CEP192: variants seen among roughly 807,000 people sequenced by gnomAD.
The protein encoded by CEP192 is centrosomal protein 192, also known as centrosomal protein of 192 kDa.
Under a neutral mutation model 271.8 loss-of-function variants are expected in CEP192, and 151 were observed. The ratio of observed to expected loss-of-function variants is 0.56; its 90% confidence interval spans 0.49 to 0.64. The LOEUF (loss-of-function observed/expected upper bound fraction) is 0.64. Ranked by LOEUF, CEP192 falls within the 30% of genes least tolerant of loss-of-function variation. The pLI, the probability that CEP192 is intolerant of heterozygous loss-of-function variation, is 0.00. For synonymous variants in CEP192, 995 were observed against 1,076.5 expected (o/e 0.92, Z 1.48); for missense variants, 2,910 against 3,020.5 (o/e 0.96, Z 0.86).
At position 13,068,414 on chromosome 18, in the gene CEP192, G is replaced by A; in HGVS notation, c.4814G>A (p.Ser1605Asn). ...VLFHSPKKQI[S>N]SSDILDSAEE... ...TTCCATAGTCCAAAGAAACAGATCA[G>A]CTCTTCAGGTATCATGTTTACACTG... Residue 1605 changes from serine to asparagine, a missense_variant, in exon 24 of 45, where the codon AGC becomes AAC. Transcript: ENST00000506447. The A allele has an allele frequency of 6.2e-7, 1 of 1,609,876 alleles. No individual in the cohort carries two copies. Among genetic ancestry groups the A allele is most frequent in the Non-Finnish European group, 8.5e-7 (1 of 1,176,980 alleles).
At chr18:13,009,457 A>T (rs568240005) in intron 4 of CEP192, among the ~76,000 whole-genome samples, 2 of 152,318 alleles carry the variant, frequency 1.3e-5, no homozygotes, top group South Asian at 2.1e-4. Context: ...AAACTGATGA[A>T]TTATAAGTTC....
At chr18:13,075,715 G>A (rs2038235214) in intron 30 of CEP192, among the ~76,000 whole-genome samples, 1 of 152,180 alleles carries the variant, frequency 6.6e-6, no homozygotes, top group Admixed American at 6.5e-5. Context: ...GACTAAGATG[G>A]TGGATTGTCA....
At chr18:13,113,830 C>A in intron 41 of CEP192, 125 bp downstream of exon 41, 1 of 949,444 alleles carries the variant, frequency 1.1e-6, no homozygotes, top group Non-Finnish European at 1.5e-6. Flanking sequence ...TCTTGTTTGT[C>A]TTTATTAATT....
At chr18:13,082,110 G>A (rs1435016195) in intron 30 of CEP192, among the ~76,000 whole-genome samples, 1 of 152,226 alleles carries the variant, frequency 6.6e-6, no homozygotes, top group East Asian at 1.9e-4. Context: ...TTCTGTAGAT[G>A]TCTATTAGGT....
intron 30 of CEP192, among the ~76,000 whole-genome samples, chr18:13,078,801 C>T (rs1314608304): frequency 6.6e-6 from 1 of 152,126 alleles, no homozygotes; most frequent in Non-Finnish European, 1.5e-5. Flanking sequence ...CATCCCACAA[C>T]AGGCCCCCAT....
intron 17 of CEP192, among the ~76,000 whole-genome samples, chr18:13,050,983 G>A (rs1030614854): frequency 2.0e-5 from 3 of 152,140 alleles, no homozygotes; most frequent in Admixed American, 1.3e-4. Context: ...TGGCTTACAC[G>A]TTTTTTCCCT....
chr18:13,044,228 A>G (rs1194125125), intron 15 of CEP192, among the ~76,000 whole-genome samples: 1 of 152,168 alleles, frequency 6.6e-6, no homozygotes. Flanking sequence ...GATTTCCTGC[A>G]TACATAGTTT....
At chr18:13,092,206 G>T (rs756178316) in intron 33 of CEP192, among the ~76,000 whole-genome samples, 171 bp from the exon 34 acceptor site, 2 of 152,192 alleles carry the variant, frequency 1.3e-5, no homozygotes, top group African/African-American at 2.4e-5. Context: ...TCAGCCACTG[G>T]TGCTGAATTG....
At chr18:13,026,917 G>GT (rs112687628) in intron 9 of CEP192, among the ~76,000 whole-genome samples, 139 of 151,638 alleles carry the variant, frequency 9.2e-4, no homozygotes, top group African/African-American at 1.6e-3. Flanking sequence ...TCTTCAAACT[G>GT]TTTTTTTTGC....
chr18:13,040,904 A>G lies in CEP192; in HGVS notation c.1884A>G (p.Ser628=), dbSNP rs578011977. The G allele has an allele frequency of 6.2e-7, 1 of 1,610,006 alleles. No homozygotes were observed. Among genetic ancestry groups the G allele is most frequent in the East Asian group, 2.2e-5 (1 of 44,712 alleles). ...CCTTAATAAGAAAATCTGATGTATC[A>G]AGAGGTAATTTGGAAAAAGAAATGG... ...PIALIRKSDV[S]RGNLEKEMAH... is the part of the protein sequence containing the mutation. The change falls in exon 14 of 45, where the codon TCA becomes TCG. Residue 628 remains serine, a synonymous_variant. Transcript: ENST00000506447.
intron 4 of CEP192, among the ~76,000 whole-genome samples, chr18:13,012,581 C>T (rs1026008832): frequency 2.0e-5 from 3 of 152,164 alleles, no homozygotes; most frequent in Non-Finnish European, 2.9e-5. Flanking sequence ...TGTTATGCTG[C>T]AGCACCTTTG....
intron 3 of CEP192, among the ~76,000 whole-genome samples, chr18:13,003,394 A>C (rs2033770037): frequency 6.7e-6 from 1 of 148,514 alleles, no homozygotes; most frequent in Non-Finnish European, 1.5e-5. Flanking sequence ...GGTTGCAATG[A>C]GCCGAGATCA....
intron 6 of CEP192, among the ~76,000 whole-genome samples, chr18:13,015,826 A>G (rs949939304): frequency 1.3e-5 from 2 of 149,248 alleles, no homozygotes; most frequent in African/African-American, 4.9e-5. Context: ...GCTCACCACA[A>G]CCTCCACCTC....
chr18:13,002,321 A>G (rs535098082), intron 3 of CEP192, among the ~76,000 whole-genome samples: 14 of 152,110 alleles, frequency 9.2e-5, no homozygotes, highest in South Asian at 2.1e-4. Context: ...CTCTTATTCT[A>G]TTACACAAAA....
Position 13,124,691 on chromosome 18 carries a change from A to C in CEP192, c.7535A>C (p.Glu2512Ala), listed in dbSNP as rs969546311. The C allele has an allele frequency of 6.2e-7, 1 of 1,613,954 alleles. No homozygotes were observed. Among genetic ancestry groups the C allele is most frequent in the African/African-American group, 1.3e-5 (1 of 74,918 alleles). The part of the protein sequence containing the change: ...QFKPKSAGKF[E>A]ALLVIQTDEG... ...AAACCGAAGTCCGCAGGCAAATTTG[A>C]AGCTTTGCTTGTCATTCAAACAGAT... Residue 2512 changes from glutamate to alanine, a missense_variant, in exon 45 of 45, where the codon GAA (glutamate) becomes GCA (alanine). Glu to Ala is a moderately radical substitution (Grantham distance 107). Coordinates refer to ENST00000506447, the MANE Select transcript of CEP192 (RefSeq NM_032142.4).
In CEP192 at chr18:13,029,653, T is replaced by A. The variant is rs1260618881; in HGVS notation, c.1051-10T>A. The stretch of plus-strand genomic sequence containing the variant: ...TGCTCTGTTAAAAAATCTGATTTTT[T>A]GTTTTAAAGGAATGTGCAAGTAAAG... On this transcript the variant is annotated splice_polypyrimidine_tract_variant and intron_variant, in intron 9 of 44. Transcript: ENST00000506447. 6.9e-7 allele frequency: 1 copy of A among 1,454,984 alleles called. No homozygotes were observed. The highest frequency in any genetic ancestry group is 9.1e-7 in the Non-Finnish European group (1 of 1,094,800). 90.1% of individuals were successfully genotyped at this position (1,454,984 alleles called of 1,614,324 possible).
At position 13,056,539 on chromosome 18, in the gene CEP192, A is replaced by G; in HGVS notation, c.3949A>G (p.Asn1317Asp). The G allele has an allele frequency of 6.2e-7, 1 of 1,614,208 alleles. No homozygotes were observed. Among genetic ancestry groups the G allele is most frequent in the Non-Finnish European group, 8.5e-7 (1 of 1,180,020 alleles). ...SVAVGICLGS[N>D]IGSGWMGTSS... Reference sequence around the variant, plus strand: ...GGCTGTGGGAATTTGTCTAGGATCAAATATCGGCTCTGGATGGATGGGTAC... The same window carrying G: ...GGCTGTGGGAATTTGTCTAGGATCAGATATCGGCTCTGGATGGATGGGTAC... Residue 1317 changes from asparagine to aspartate, a missense_variant, in exon 19 of 45, where the codon AAT becomes GAT. Physicochemically the swap from Asn to Asp is conservative, Grantham distance 23. Transcript: ENST00000506447.
At chr18:13,057,474 A>G in intron 19 of CEP192, 111 bp from the exon 20 acceptor site, 2 of 1,219,140 alleles carry the variant, frequency 1.6e-6, no homozygotes, top group South Asian at 1.5e-5. Context: ...CTTTGACTCT[A>G]GCTCTGTGTA....
At chr18:13,117,871 G>C (rs1394775948) in intron 44 of CEP192, among the ~76,000 whole-genome samples, 1 of 152,170 alleles carries the variant, frequency 6.6e-6, no homozygotes, top group African/African-American at 2.4e-5. Context: ...CACAGCATTT[G>C]GGCTGGTGTG....
Sources: gnomAD v4.1 joint callset for allele counts (sites outside exome capture counted in the v4.1 genomes callset) on GRCh38, gnomAD v4.1.1 for gene constraint, MANE v1.5 for transcripts, NCBI Gene and HGNC (gene_info 2026-07-23, HGNC 2026-07-21) for gene names.